Variants in PDLIM2 observed in about 807,000 individuals in gnomAD.
PDLIM2 encodes PDZ and LIM domain protein 2.
In PDLIM2, 51 loss-of-function variants were observed where a neutral mutation model predicts 54.1. The ratio of observed to expected loss-of-function variants is 0.94; its 90% CI spans 0.75 to 1.19. PDLIM2 has a LOEUF of 1.19. Ranked by LOEUF, PDLIM2 falls within the 50% of genes most tolerant of loss-of-function variation. The pLI is 0.00. For synonymous variants in PDLIM2, 398 were observed against 385.6 expected, an observed-to-expected ratio of 1.03 and a Z score of -0.38; for missense variants, 912 against 874.0, an observed-to-expected ratio of 1.04 and a Z score of -0.55.
At chr8:22,589,274 TC>T (rs1800463934) in intron 6 of PDLIM2, 23 bp from the exon 6 acceptor site, 6 of 1,533,272 alleles carry the variant, frequency 3.9e-6, no homozygotes, top group Non-Finnish European at 5.2e-6. Context: ...CCCTGACTCC[TC>T]CCCGGCTGCC....
intron 2 of PDLIM2, chr8:22,581,053 G>GCCCA: frequency 1.5e-6 from 1 of 664,520 alleles, no homozygotes; most frequent in Non-Finnish European, 2.8e-6. Flanking sequence ...ATTCACAGGA[G>GCCCA]GGCTGTGCAG....
At chr8:22,579,521 C>T in exon 1 of PDLIM2, 1 of 1,490,064 alleles carries the variant, frequency 6.7e-7, no homozygotes, top group Non-Finnish European at 8.9e-7. Flanking sequence ...CACTGACCGG[C>T]TCAAAGGTCT....
At chr8:22,592,970 C>T (rs1185489216) in intron 9 of PDLIM2, 1 of 152,264 alleles carries the variant, frequency 6.6e-6, no homozygotes, top group Non-Finnish European at 1.5e-5. Context: ...AACTCCTGGG[C>T]TCAAGTGATC....
Position 22,585,166 on chromosome 8 carries a change from A to T in PDLIM2, c.1211+4A>T, listed in dbSNP as rs753108532. 3.4e-5 allele frequency: 55 copies of T among 1,613,000 alleles called. No individual in the cohort carries two copies. Among genetic ancestry groups the T allele is most frequent in the Non-Finnish European group, 4.5e-5 (53 of 1,179,742 alleles). ...GAGAGGCAGCCATCAGCCGCAGGTG[A>T]GTGTGCCTGTGAGTGGGTACCCTGG... On this transcript the variant is annotated splice_donor_region_variant and intron_variant, in intron 5 of 9. Coordinates refer to ENST00000308354, the Ensembl canonical transcript of PDLIM2.
chr8:22,585,185 ACCCTG>A (rs1800340084), intron 5 of PDLIM2, 23 bp downstream of exon 4: 1 of 1,611,048 alleles, frequency 6.2e-7, no homozygotes, highest in East Asian at 2.2e-5. Flanking sequence ...GTGAGTGGGT[ACCCTG>A]GTCGCCTGCG....
In PDLIM2 at chr8:22,591,682, G is replaced by A. The variant is rs187662309; in HGVS notation, c.1631+14G>A. The A allele has an allele frequency of 3.1e-6, 5 of 1,599,042 alleles. No individual in the cohort carries two copies. The African/African-American group carries it at 5.4e-5, about 17-fold the overall frequency. On this transcript the variant is annotated intron_variant, in intron 9 of 9. Transcript: ENST00000308354. ...TACCAGCATCGCGTGAGTGTGGAGGGGGGTGGGGGACCTGAGCCTTCACAG... is the reference window on the plus strand; with the variant it reads ...TACCAGCATCGCGTGAGTGTGGAGGAGGGTGGGGGACCTGAGCCTTCACAG...
chr8:22,589,532 C>T (rs753682413), intron 7 of PDLIM2, 64 bp from the exon 7 acceptor site: 2 of 1,551,210 alleles, frequency 1.3e-6, no homozygotes, highest in South Asian at 2.4e-5. Context: ...TCCTGCCCCC[C>T]ACCCCCTTGC....
intron 6 of PDLIM2, 137 bp from the exon 6 acceptor site, chr8:22,589,161 A>C: frequency 5.2e-6 from 4 of 766,484 alleles, no homozygotes; most frequent in East Asian, 2.8e-5. Flanking sequence ...CTCCAAGGGA[A>C]GGGGCAGGGG....
chr8:22,594,597 C>G, downstream of PDLIM2: 1 of 1,614,008 alleles, frequency 6.2e-7, no homozygotes, highest in Non-Finnish European at 8.5e-7. Flanking sequence ...GTGGAGGGCG[C>G]CAAGCGGAGG....
exon 10 of PDLIM2, chr8:22,593,820 C>T (rs746363573): frequency 7.8e-5 from 124 of 1,599,604 alleles, no homozygotes; most frequent in Non-Finnish European, 9.4e-5. Context: ...TGAAGATGCG[C>T]GGGCACTTCT....
chr8:22,591,405 C>T (rs1800542219), intron 8 of PDLIM2, 146 bp from the exon 8 acceptor site: 1 of 726,208 alleles, frequency 1.4e-6, no homozygotes, highest in Admixed American at 2.1e-5. Context: ...GGCAAGATCA[C>T]CTTCCTCCTT....
rs1800484201 is a variant in PDLIM2 at position 22,589,692 on chromosome 8, G to C, written c.1464G>C (p.Gln488His). Residue 488 changes from glutamine to histidine, a missense_variant, in exon 8 of 10, where the codon CAG (glutamine) becomes CAC (histidine). By Grantham distance (24) the Gln-to-His change is conservative (BLOSUM62 0). Coordinates refer to ENST00000308354, the Ensembl canonical transcript of PDLIM2. The stretch of plus-strand genomic sequence containing the variant: ...GCGAGGGACGGGCGGCCCCCCGACA[G>C]TCCAGCTCCTTTCGGCTCTTGCAGG... 2.5e-6 allele frequency: 4 copies of C among 1,575,002 alleles called. No homozygotes were observed. In the South Asian group the frequency reaches 4.7e-5, roughly 18 times the overall value.
intron 1 of PDLIM2, 47 bp from the exon 1 acceptor site, chr8:22,580,428 C>G: frequency 7.0e-7 from 1 of 1,419,690 alleles, no homozygotes. Context: ...GGAAGTGAAA[C>G]CGGGCTGAGG....
At chr8:22,591,880 C>T (rs1224590377) in intron 9 of PDLIM2, 4 of 486,824 alleles carry the variant, frequency 8.2e-6, no homozygotes, top group African/African-American at 8.0e-5. Context: ...GCTGCATCTC[C>T]TCTCCCTCTC....
exon 5 of PDLIM2, chr8:22,585,047 T>C: frequency 6.2e-7 from 1 of 1,613,944 alleles, no homozygotes; most frequent in Middle Eastern, 1.7e-4. Context: ...TGAGAGTCAG[T>C]CCTCCTTAAG....
intron 3 of PDLIM2, 59 bp downstream of exon 2, chr8:22,581,589 T>C: frequency 2.0e-6 from 3 of 1,515,404 alleles, no homozygotes; most frequent in Non-Finnish European, 2.6e-6. Flanking sequence ...ACCCCACGTA[T>C]TGAGCAGCCC....
chr8:22,589,272 C>T, intron 6 of PDLIM2, 26 bp from the exon 6 acceptor site: 6 of 1,533,292 alleles, frequency 3.9e-6, no homozygotes, highest in Non-Finnish European at 5.2e-6. Flanking sequence ...GGCCCTGACT[C>T]CTCCCCGGCT....
Position 22,581,374 on chromosome 8 carries a change from T to C in PDLIM2, c.844-5T>C. ...TCTGAGCATGCCAGCTCCTCATCCC[T>C]ACAGGTGGCCGAGCGGGGCAAAGCC... On this transcript the variant is annotated splice_polypyrimidine_tract_variant and splice_region_variant and intron_variant, in intron 2 of 9. Coordinates refer to ENST00000308354, the Ensembl canonical transcript of PDLIM2. 3.1e-6 allele frequency: 5 copies of C among 1,595,230 alleles called. No homozygotes were observed. Among genetic ancestry groups the C allele is most frequent in the Non-Finnish European group, 4.3e-6 (5 of 1,172,556 alleles).
chr8:22,579,575 G>C (rs1800131484), intron 1 of PDLIM2: 4 of 1,429,156 alleles, frequency 2.8e-6, no homozygotes, highest in East Asian at 2.9e-5. Flanking sequence ...GGACTGGGGT[G>C]GGGGCGGTGC....
Sources: gnomAD v4.1 joint callset for allele counts on GRCh38, gnomAD v4.1.1 for gene constraint, MANE v1.5 for transcripts, NCBI Gene and HGNC (gene_info 2026-07-23, HGNC 2026-07-21) for gene names.